Variants in ROBO1 observed in about 807,000 individuals in gnomAD.
ROBO1 encodes roundabout guidance receptor 1, also known as roundabout homolog 1.
A neutral mutation model predicts 195.9 loss-of-function variants in ROBO1; 149 were observed. The ratio of observed to expected loss-of-function variants is 0.76; its 90% confidence interval spans 0.67 to 0.87. The LOEUF (loss-of-function observed/expected upper bound fraction) is 0.87. Ranked by LOEUF, ROBO1 falls within the 40% of genes least tolerant of loss-of-function variation. The probability of loss-of-function intolerance (pLI) is 0.00; values close to 1 mark genes in which losing one functional copy is unlikely to be tolerated. For missense variants in ROBO1, 1,933 were observed against 2,068.3 expected, an observed-to-expected ratio of 0.93 and a Z score of 1.27; for synonymous variants, 816 against 733.2, an observed-to-expected ratio of 1.11 and a Z score of -1.82.
intron 1 of ROBO1, among the ~76,000 whole-genome samples, chr3:79,683,946 A>G (rs1947025492): frequency 6.6e-6 from 1 of 152,068 alleles, no homozygotes; most frequent in Non-Finnish European, 1.5e-5. Flanking sequence ...CATGCTTTCA[A>G]TTATGTTGGG....
chr3:78,924,469 T>C (rs1357061899), intron 4 of ROBO1, among the ~76,000 whole-genome samples: 10 of 152,098 alleles, frequency 6.6e-5, no homozygotes, highest in Non-Finnish European at 1.5e-4. Context: ...ATTTCATGAA[T>C]AAATCATATG....
chr3:79,159,358 C>A (rs2080914254), intron 2 of ROBO1, among the ~76,000 whole-genome samples: 1 of 151,868 alleles, frequency 6.6e-6, no homozygotes, highest in South Asian at 2.1e-4. Context: ...ATTGTATGAC[C>A]TATCATTTAA....
intron 21 of ROBO1, among the ~76,000 whole-genome samples, chr3:78,644,121 A>C (rs1706134291): frequency 6.6e-6 from 1 of 152,098 alleles, no homozygotes; most frequent in African/African-American, 2.4e-5. Context: ...ATCACGAAAC[A>C]TAGACACAGA....
At chr3:78,613,106 T>C (rs1703913732) in intron 28 of ROBO1, among the ~76,000 whole-genome samples, 1 of 152,176 alleles carries the variant, frequency 6.6e-6, no homozygotes, top group Admixed American at 6.5e-5. Flanking sequence ...TGTGATACAA[T>C]ATTCTTTAAC....
At position 78,841,150 on chromosome 3, in the gene ROBO1, T is replaced by C. The variant is rs2033172777; in HGVS notation, c.500-94250A>G. 2.0e-5 allele frequency among the ~76,000 whole-genome samples: 3 copies of C among 151,922 alleles called. No individual in the cohort carries two copies. The South Asian group carries it at 6.2e-4, about 32-fold the overall frequency. On this transcript the variant is annotated intron_variant, in intron 4 of 30. Coordinates refer to ENST00000464233, the MANE Select transcript of ROBO1 (RefSeq NM_002941.4). ...TGTATGTTAATAAAATAATATACACTAATAACACAGAGTCAACTTCAAAAT... is the reference window on the plus strand; with the variant it reads ...TGTATGTTAATAAAATAATATACACCAATAACACAGAGTCAACTTCAAAAT...
rs960608741 is a variant in ROBO1, at chr3:78,693,242, G to A, written c.1046-4470C>T. On this transcript the variant is annotated intron_variant, in intron 8 of 30. Coordinates refer to ENST00000464233, the MANE Select transcript of ROBO1 (RefSeq NM_002941.4). ...TGGCCAATGACAAGTGAAACATGGA[G>A]GCTGATTGGTTGAAGGACATGGAAG... The A allele has an allele frequency of 6.9e-6, 10 of 1,444,944 alleles. No homozygotes were observed. In the African/African-American group the frequency reaches 1.3e-4, roughly 19 times the overall value. The allele number at this position is 1,444,944 out of a possible 1,614,324, so 89.5% of individuals were successfully genotyped here.
chr3:79,001,932 C>CT lies in ROBO1; in HGVS notation c.173-63006dup, dbSNP rs200664652. ...AATGTATTATTTTTTCTTAGAAATG[C>CT]TTTTTTTTAGAAAGTTAAAATGATC... On this transcript the variant is annotated intron_variant, in intron 3 of 30. Coordinates refer to ENST00000464233, the MANE Select transcript of ROBO1 (RefSeq NM_002941.4). Among the ~76,000 whole-genome samples, 48 of 151,790 alleles carry CT rather than the reference C, an allele frequency of 3.2e-4. 1 individual carries two copies. The highest frequency in any genetic ancestry group is 2.7e-3 in the Admixed American group (41 of 15,220).
chr3:78,612,461 G>C (rs769947805), intron 28 of ROBO1, among the ~76,000 whole-genome samples: 3 of 152,080 alleles, frequency 2.0e-5, no homozygotes, highest in Non-Finnish European at 2.9e-5. Flanking sequence ...ATGCAGTGTA[G>C]TACTTTGGGA....
At chr3:78,901,365 A>G (rs2037576170) in intron 4 of ROBO1, among the ~76,000 whole-genome samples, 1 of 152,190 alleles carries the variant, frequency 6.6e-6, no homozygotes, top group African/African-American at 2.4e-5. Context: ...AGAGACAGCA[A>G]AAGTTTTATA....
At chr3:79,762,509 A>T (rs1371345780) in intron 1 of ROBO1, among the ~76,000 whole-genome samples, 1 of 131,958 alleles carries the variant, frequency 7.6e-6, no homozygotes, top group Non-Finnish European at 1.8e-5. Context: ...TATTTTCTTA[A>T]CATGAAGGTC....
intron 1 of ROBO1, among the ~76,000 whole-genome samples, chr3:79,634,224 A>C (rs1490799674): frequency 1.3e-5 from 2 of 152,168 alleles, no homozygotes; most frequent in Admixed American, 6.6e-5. Context: ...CAGTGAATGC[A>C]CACAAGAGGT....
At chr3:78,938,957 A>C in intron 3 of ROBO1, 30 bp from the exon 4 acceptor site, 1 of 1,551,290 alleles carries the variant, frequency 6.4e-7, no homozygotes, top group Non-Finnish European at 8.8e-7. Context: ...ATATCTTCGT[A>C]TATCACTTGA....
At chr3:79,380,096 C>T (rs1559858425) in intron 2 of ROBO1, among the ~76,000 whole-genome samples, 1 of 152,136 alleles carries the variant, frequency 6.6e-6, no homozygotes, top group Non-Finnish European at 1.5e-5. Context: ...TTCTCCATTT[C>T]TCAATCTCAT....
intron 2 of ROBO1, among the ~76,000 whole-genome samples, chr3:79,329,620 T>G (rs1363947201): frequency 6.6e-6 from 1 of 152,192 alleles, no homozygotes; most frequent in Non-Finnish European, 1.5e-5. Context: ...TAAAGCACTA[T>G]CAAAGTGTGG....
intron 4 of ROBO1, among the ~76,000 whole-genome samples, chr3:78,897,971 C>G (rs1052694154): frequency 3.3e-5 from 5 of 151,394 alleles, no homozygotes; most frequent in Admixed American, 1.3e-4. Context: ...CAAAAAAAAC[C>G]CAGAGTGCTT....
At chr3:79,412,949 C>A (rs1575790971) in intron 2 of ROBO1, among the ~76,000 whole-genome samples, 1 of 119,810 alleles carries the variant, frequency 8.3e-6, no homozygotes, top group African/African-American at 3.2e-5. Flanking sequence ...AAGTCTACTT[C>A]CCATGGGCAA....
At chr3:79,349,478 A>G (rs1162769189) in intron 2 of ROBO1, among the ~76,000 whole-genome samples, 1 of 152,212 alleles carries the variant, frequency 6.6e-6, no homozygotes, top group Non-Finnish European at 1.5e-5. Context: ...ATAGATAAAT[A>G]GATGATAGAT....
rs576449319 is a variant in ROBO1 at position 79,139,653 on chromosome 3, G to C, written c.89-14114C>G. Among the ~76,000 whole-genome samples the C allele has an allele frequency of 4.6e-5, 7 of 152,174 alleles. No individual in the cohort carries two copies. The East Asian group carries it at 1.4e-3, about 29-fold the overall frequency. ...ATCTGATGTGACAGATACCTTGCTG[G>C]GTTGGAATTTAATCTGCAGAGATTT... On this transcript the variant is annotated intron_variant, in intron 2 of 30. Coordinates refer to ENST00000464233, the MANE Select transcript of ROBO1 (RefSeq NM_002941.4).
At chr3:79,301,077 A>G (rs768475939) in intron 2 of ROBO1, among the ~76,000 whole-genome samples, 1 of 152,104 alleles carries the variant, frequency 6.6e-6, no homozygotes, top group Non-Finnish European at 1.5e-5. Flanking sequence ...ACGCTGTGGA[A>G]GCTTTGTTCT....
Sources: gnomAD v4.1 joint callset for allele counts (sites outside exome capture counted in the v4.1 genomes callset) on GRCh38, gnomAD v4.1.1 for gene constraint, MANE v1.5 for transcripts, NCBI Gene and HGNC (gene_info 2026-07-23, HGNC 2026-07-21) for gene names.